The following TBC1D5 variants were observed in gnomAD, a reference collection of about 807,000 sequenced individuals.
The protein encoded by TBC1D5 is TBC1 domain family, member 5.
Under a neutral mutation model 100.3 loss-of-function variants are expected in TBC1D5, and 75 were observed. The observed-to-expected ratio is 0.75, with a 90% CI of 0.62 to 0.91. The LOEUF (loss-of-function observed/expected upper bound fraction) is 0.91, where lower values mean the gene tolerates loss of function less well. Among genes scored for constraint, TBC1D5 ranks in the 40% least tolerant of loss-of-function variants. The pLI is 0.00. For missense variants in TBC1D5, 910 were observed against 942.4 expected, an observed-to-expected ratio of 0.97 and a Z score of 0.45; for synonymous variants, 323 against 325.6, an observed-to-expected ratio of 0.99 and a Z score of 0.09.
intron 3 of TBC1D5, among the ~76,000 whole-genome samples, chr3:17,436,485 C>CT (rs1163899852): frequency 6.6e-6 from 1 of 152,080 alleles, no homozygotes; most frequent in Non-Finnish European, 1.5e-5. Context: ...AATATTGTGG[C>CT]TTTTTTCTTC....
chr3:17,720,020 C>T (rs1394607942), intron 1 of TBC1D5, among the ~76,000 whole-genome samples: 2 of 152,032 alleles, frequency 1.3e-5, no homozygotes, highest in Non-Finnish European at 2.9e-5. Context: ...TAAAACTACA[C>T]AAAAATTTGC....
intron 16 of TBC1D5, among the ~76,000 whole-genome samples, chr3:17,241,573 T>G (rs2149100872): frequency 6.6e-6 from 1 of 152,342 alleles, no homozygotes; most frequent in East Asian, 1.9e-4. Flanking sequence ...AACTTAACTT[T>G]TGGCACAACC....
chr3:17,515,556 T>C (rs755178263), intron 2 of TBC1D5, among the ~76,000 whole-genome samples: 2 of 152,188 alleles, frequency 1.3e-5, no homozygotes, highest in Admixed American at 6.5e-5. Context: ...ATGTGACTTA[T>C]GTAAGGTCAC....
chr3:17,554,993 G>A (rs2096504528), intron 2 of TBC1D5, among the ~76,000 whole-genome samples: 1 of 152,008 alleles, frequency 6.6e-6, no homozygotes, highest in South Asian at 2.1e-4. Flanking sequence ...GGGATTACAG[G>A]CACGTGCCAC....
At chr3:17,477,019 G>C (rs1417534064) in intron 3 of TBC1D5, among the ~76,000 whole-genome samples, 2 of 151,758 alleles carry the variant, frequency 1.3e-5, no homozygotes, top group South Asian at 4.2e-4. Context: ...ATTTTACATT[G>C]AGAAGGATTT....
At position 17,208,275 on chromosome 3, in the gene TBC1D5, C is replaced by T. The variant is rs1167204560; in HGVS notation, c.1752+5932G>A. Reference sequence around the variant, plus strand: ...CTTAGATCAGCAAAAGCTGATTTCTCACTCATACTTCATGTCTATCATGAG... The same window carrying T: ...CTTAGATCAGCAAAAGCTGATTTCTTACTCATACTTCATGTCTATCATGAG... On this transcript the variant is annotated intron_variant, in intron 18 of 21. Transcript: ENST00000253692. 2.0e-5 allele frequency among the ~76,000 whole-genome samples: 3 copies of T among 152,340 alleles called. No individual in the cohort carries two copies. In the East Asian group the frequency reaches 5.8e-4, roughly 29 times the overall value.
chr3:17,426,282 T>C (rs2094333666), intron 4 of TBC1D5, among the ~76,000 whole-genome samples: 1 of 152,146 alleles, frequency 6.6e-6, no homozygotes, highest in East Asian at 1.9e-4. Flanking sequence ...AATCCCTAGA[T>C]TTTGTCAGTT....
chr3:17,292,027 G>T lies in TBC1D5; in HGVS notation c.1139-26C>A, dbSNP rs2081812410. ...CTAAATAAGAAGAAAAAATAATTCA[G>T]ATGCAATACTATTTAAGATATTCTG... On this transcript the variant is annotated intron_variant, in intron 14 of 21. Coordinates refer to ENST00000253692, the Ensembl canonical transcript of TBC1D5. The T allele has an allele frequency of 5.1e-6, 8 of 1,566,156 alleles. No individual in the cohort carries two copies. In the African/African-American group the frequency reaches 1.1e-4, roughly 21 times the overall value.
At chr3:17,603,198 C>G (rs1291689561) in intron 2 of TBC1D5, among the ~76,000 whole-genome samples, 1 of 150,290 alleles carries the variant, frequency 6.7e-6, no homozygotes, top group African/African-American at 2.5e-5. Flanking sequence ...CTCTGTCACC[C>G]AGGCTGGAGT....
At position 17,374,452 on chromosome 3, in the gene TBC1D5, T is replaced by C. The variant is rs761146160; in HGVS notation, c.822+19A>G. The C allele has an allele frequency of 2.2e-5, 36 of 1,604,496 alleles. No individual in the cohort carries two copies. The highest frequency in any genetic ancestry group is 2.7e-5 in the Non-Finnish European group (32 of 1,175,264). ...TGCTCCATAGCATATACTGAAAAGATCTGTACTATAAGATTTACCTTCTGA... is the reference window on the plus strand; with the variant it reads ...TGCTCCATAGCATATACTGAAAAGACCTGTACTATAAGATTTACCTTCTGA... On this transcript the variant is annotated intron_variant, in intron 12 of 21. Transcript: ENST00000253692.
Position 17,630,074 on chromosome 3 carries a change from T to A in TBC1D5, c.-100-6161A>T, listed in dbSNP as rs552283289. Among the ~76,000 whole-genome samples, 86 of 152,278 alleles carry A rather than the reference T, an allele frequency of 5.6e-4. 1 individual carries two copies. The South Asian group carries it at 0.017, about 30-fold the overall frequency. On this transcript the variant is annotated intron_variant, in intron 1 of 21. Coordinates refer to ENST00000253692, the Ensembl canonical transcript of TBC1D5. ...TACCCACACACAGCTAACTAGCACA[T>A]GTTTTTGACACGAAATCAGTTTCCC...
intron 8 of TBC1D5, among the ~76,000 whole-genome samples, chr3:17,400,958 G>A (rs1390996071): frequency 8.5e-5 from 13 of 152,128 alleles, no homozygotes; most frequent in Admixed American, 2.6e-4. Context: ...GTTGGGACTC[G>A]GACTGGCTTC....
intron 2 of TBC1D5, among the ~76,000 whole-genome samples, chr3:17,544,668 G>A (rs1576621042): frequency 3.2e-4 from 41 of 126,274 alleles, no homozygotes; most frequent in African/African-American, 1.1e-3. Flanking sequence ...AAAAAAAAAA[G>A]CACCTTAAGA....
intron 3 of TBC1D5, among the ~76,000 whole-genome samples, chr3:17,432,652 T>C (rs1379225152): frequency 6.6e-6 from 1 of 152,236 alleles, no homozygotes; most frequent in East Asian, 1.9e-4. Flanking sequence ...CTCTAAATAA[T>C]GTCTTAAAAA....
chr3:17,499,619 C>A (rs1362927540), intron 3 of TBC1D5, among the ~76,000 whole-genome samples: 4 of 147,594 alleles, frequency 2.7e-5, no homozygotes, highest in African/African-American at 1.0e-4. Flanking sequence ...CATCTGAACC[C>A]TGCCAGGTCA....
intron 15 of TBC1D5, among the ~76,000 whole-genome samples, chr3:17,282,588 T>C (rs2149939544): frequency 6.6e-6 from 1 of 152,316 alleles, no homozygotes; most frequent in African/African-American, 2.4e-5. Flanking sequence ...AGGAACCTTG[T>C]CTTCTAAAAC....
At chr3:17,651,628 G>C (rs962575989) in intron 1 of TBC1D5, among the ~76,000 whole-genome samples, 3 of 152,090 alleles carry the variant, frequency 2.0e-5, no homozygotes, top group Non-Finnish European at 2.9e-5. Flanking sequence ...ACTTGAACCA[G>C]GGAGGCAGAG....
At chr3:17,448,397 T>C (rs534366753) in intron 3 of TBC1D5, among the ~76,000 whole-genome samples, 2 of 152,306 alleles carry the variant, frequency 1.3e-5, no homozygotes, top group South Asian at 4.1e-4. Flanking sequence ...TCTTAATAGA[T>C]CTATTATGAT....
rs185122959 is a variant in TBC1D5, at chr3:17,510,975, C to G, written c.-35-2370G>C. Reference sequence around the variant, plus strand: ...CCTGTCTGGTTCTAGAGCTCACATTCTTTCTCCTACATTAATTTGGCTCTA... The same window carrying G: ...CCTGTCTGGTTCTAGAGCTCACATTGTTTCTCCTACATTAATTTGGCTCTA... On this transcript the variant is annotated intron_variant, in intron 2 of 21. Coordinates refer to ENST00000253692, the Ensembl canonical transcript of TBC1D5. 1.4e-3 allele frequency among the ~76,000 whole-genome samples: 215 copies of G among 152,060 alleles called. 1 individual carries two copies. The highest frequency in any genetic ancestry group is 4.8e-3 in the African/African-American group (200 of 41,540).
Sources: gnomAD v4.1 joint callset for allele counts (sites outside exome capture counted in the v4.1 genomes callset) on GRCh38, gnomAD v4.1.1 for gene constraint, MANE v1.5 for transcripts, NCBI Gene and HGNC (gene_info 2026-07-23, HGNC 2026-07-21) for gene names.